The following PFKM variants were observed in gnomAD, a reference collection of about 807,000 sequenced individuals.
The protein encoded by PFKM is phosphofructokinase, muscle.
In PFKM, 58 loss-of-function variants were observed where a neutral mutation model predicts 95.5. The ratio of observed to expected loss-of-function variants is 0.61; its 90% CI spans 0.49 to 0.76. The LOEUF (loss-of-function observed/expected upper bound fraction) is 0.76, where lower values mean the gene tolerates loss of function less well. Ranked by LOEUF, PFKM falls within the 30% of genes least tolerant of loss-of-function variation. The pLI, the probability that PFKM is intolerant of heterozygous loss-of-function variation, is 0.00. For synonymous variants in PFKM, 336 were observed against 357.2 expected (o/e 0.94, Z 0.67); for missense variants, 678 against 1,005.4 (o/e 0.67, Z 4.40).
At chr12:48,132,019 C>T (rs1949552197) in intron 4 of PFKM, 1 of 455,586 alleles carries the variant, frequency 2.2e-6, no homozygotes, top group Non-Finnish European at 4.4e-6. Flanking sequence ...CTTTTTTCAG[C>T]TCAGTTCCCT....
At chr12:48,108,047 G>T in intron 2 of PFKM, 1 of 1,598,596 alleles carries the variant, frequency 6.3e-7, no homozygotes, top group East Asian at 2.2e-5. Flanking sequence ...CACCTTGAGG[G>T]TGACCTAAAG....
Position 48,134,923 on chromosome 12 carries a change from TA to T in PFKM, c.748-19del. On this transcript the variant is annotated intron_variant, in intron 8 of 22. Transcript: ENST00000359794. ...ATCAGCTTCATTCCATGGACCATTTTACCCTTTGTTCTCAACCAGACAAGGA... is the reference window on the plus strand; with the variant it reads ...ATCAGCTTCATTCCATGGACCATTTTCCCTTTGTTCTCAACCAGACAAGGA... 1.2e-6 allele frequency: 2 copies of T among 1,608,704 alleles called. No individual in the cohort carries two copies. The highest frequency in any genetic ancestry group is 1.7e-6 in the Non-Finnish European group (2 of 1,175,050).
chr12:48,120,958 T>TTGGA (rs1948195592), intron 1 of PFKM, among the ~76,000 whole-genome samples: 1 of 152,184 alleles, frequency 6.6e-6, no homozygotes, highest in Admixed American at 6.5e-5. Context: ...CAAGACCAGC[T>TTGGA]TGACCGACAT....
intron 2 of PFKM, among the ~76,000 whole-genome samples, chr12:48,125,959 G>A (rs1948792865): frequency 6.6e-6 from 1 of 152,190 alleles, no homozygotes; most frequent in Admixed American, 6.5e-5. Flanking sequence ...TTAAAGTCAT[G>A]CTCAAGTCAT....
chr12:48,115,430 A>C (rs939752299), upstream of PFKM, among the ~76,000 whole-genome samples: 6 of 152,172 alleles, frequency 3.9e-5, no homozygotes, highest in African/African-American at 1.4e-4. Flanking sequence ...TTTTGAGGGA[A>C]GGGGGTGGAT....
In PFKM at chr12:48,137,812, C is replaced by A. The variant is rs1406085192; in HGVS notation, c.1028C>A (p.Ala343Asp). The change falls in exon 11 of 23, where the codon GCT becomes GAT. Residue 343 changes from alanine to aspartate, a missense_variant. Ala to Asp is a moderately radical substitution (Grantham distance 126). Transcript: ENST00000359794. ...GTAGTGAGCCTCTCTGGTAACCAGG[C>A]TGTGCGCCTGCCCCTCATGGAATGT... is the stretch of plus-strand genomic sequence containing the variant. ...ACVVSLSGNQ[A>D]VRLPLMECVQ... The A allele has an allele frequency of 1.2e-6, 2 of 1,614,164 alleles. No individual in the cohort carries two copies. Among genetic ancestry groups the A allele is most frequent in the Admixed American group, 3.3e-5 (2 of 60,024 alleles).
At position 48,134,782 on chromosome 12, in the gene PFKM, C is replaced by T; in HGVS notation, c.700C>T (p.Pro234Ser). The change falls in exon 8 of 23, where the codon CCA becomes TCA. Residue 234 changes from proline to serine, a missense_variant. Physicochemically the swap from Pro to Ser is moderately conservative, Grantham distance 74. Coordinates refer to ENST00000359794, the MANE Select transcript of PFKM (RefSeq NM_000289.6). Reference protein sequence around the residue: ...GADWVFIPECPPDDDWEEHLC... With the variant: ...GADWVFIPECSPDDDWEEHLC... ...CGACTGGGTTTTTATTCCTGAATGT[C>T]CACCAGATGACGACTGGGAGGAACA... The T allele has an allele frequency of 1.2e-6, 2 of 1,614,098 alleles. No homozygotes were observed. Among genetic ancestry groups the T allele is most frequent in the Non-Finnish European group, 1.7e-6 (2 of 1,179,958 alleles).
intron 6 of PFKM, 65 bp from the exon 7 acceptor site, chr12:48,134,167 G>GT: frequency 7.4e-7 from 1 of 1,348,908 alleles, no homozygotes; most frequent in Non-Finnish European, 1.1e-6. Flanking sequence ...TGGCCTAGAT[G>GT]TGGGTGGTGG....
chr12:48,123,065 A>G (rs1322229875), intron 2 of PFKM, among the ~76,000 whole-genome samples: 1 of 152,138 alleles, frequency 6.6e-6, no homozygotes, highest in Non-Finnish European at 1.5e-5. Flanking sequence ...ACTTATTTCC[A>G]AGTTTCTTTG....
intron 2 of PFKM, 137 bp downstream of exon 2, chr12:48,122,996 G>A (rs902754017): frequency 9.8e-6 from 7 of 713,828 alleles, no homozygotes; most frequent in Non-Finnish European, 1.7e-5. Context: ...TGAGGCCTAA[G>A]TCCTCAAGTG....
intron 6 of PFKM, among the ~76,000 whole-genome samples, chr12:48,133,865 G>C (rs978908275): frequency 1.3e-5 from 2 of 152,140 alleles, no homozygotes; most frequent in South Asian, 4.1e-4. Flanking sequence ...GGGGACCTGG[G>C]GGGAGGCAAT....
intron 3 of PFKM, among the ~76,000 whole-genome samples, 168 bp downstream of exon 3, chr12:48,130,604 A>G (rs1047059731): frequency 2.0e-5 from 3 of 152,218 alleles, no homozygotes; most frequent in African/African-American, 7.2e-5. Flanking sequence ...CTTGACTCCA[A>G]TAGTGATGGT....
intron 3 of PFKM, among the ~76,000 whole-genome samples, chr12:48,111,079 A>G (rs535276916): frequency 1.3e-5 from 2 of 152,346 alleles, no homozygotes; most frequent in Admixed American, 1.3e-4. Flanking sequence ...AGCAGATCCA[A>G]CTGCCCACTA....
rs1426015365 is a variant in PFKM, at chr12:48,141,968, T to C, written c.1555T>C (p.Cys519Arg). The change falls in exon 17 of 23, where the codon TGC becomes CGC. Residue 519 changes from cysteine to arginine, a missense_variant. By Grantham distance (180) the Cys-to-Arg change is radical. Coordinates refer to ENST00000359794, the MANE Select transcript of PFKM (RefSeq NM_000289.6). Reference protein sequence around the residue: ...MEGRKQFDELCIPFVVIPATV... With the variant: ...MEGRKQFDELRIPFVVIPATV... ...GGGCAGGAAGCAGTTTGATGAGCTC[T>C]GCATCCCATTTGTGGTCATTCCTGC... 1 of 1,614,110 alleles carries C rather than the reference T, an allele frequency of 6.2e-7. No homozygotes were observed. The highest frequency in any genetic ancestry group is 2.2e-5 in the East Asian group (1 of 44,886).
chr12:48,126,512 A>AT (rs1036749111), intron 2 of PFKM, among the ~76,000 whole-genome samples: 3 of 152,062 alleles, frequency 2.0e-5, no homozygotes, highest in South Asian at 4.2e-4. Flanking sequence ...TTATTGTGAG[A>AT]TTTTTTTTGT....
At position 48,142,823 on chromosome 12, in the gene PFKM, T is replaced by C. The variant is rs761692819; in HGVS notation, c.1695T>C (p.Arg565=). 1 of 1,614,092 alleles carries C rather than the reference T, an allele frequency of 6.2e-7. No homozygotes were observed. The highest frequency in any genetic ancestry group is 2.2e-5 in the East Asian group (1 of 44,874). Residue 565 remains arginine (R), a synonymous_variant, in exon 18 of 23, where the codon CGT becomes CGC. Coordinates refer to ENST00000359794, the MANE Select transcript of PFKM (RefSeq NM_000289.6). The stretch of plus-strand genomic sequence containing the variant: ...AGCAGTCAGCAGCTGGCACCAAGCG[T>C]CGGGTGTTTATCATTGAGACTATGG... ...RIKQSAAGTK[R]RVFIIETMGG...
chr12:48,141,676 A>G lies in PFKM; in HGVS notation c.1413-64A>G, dbSNP rs1202417178. On this transcript the variant is annotated intron_variant, in intron 15 of 22. Coordinates refer to ENST00000359794, the MANE Select transcript of PFKM (RefSeq NM_000289.6). The stretch of plus-strand genomic sequence containing the variant: ...CTAACTCTAGCTTTTCTCCCCCTCA[A>G]TTTTCCTGTCTCTTCCCCAAATTCC... 7.2e-6 allele frequency: 9 copies of G among 1,250,120 alleles called. No individual in the cohort carries two copies. The highest frequency in any genetic ancestry group is 1.2e-5 in the South Asian group (1 of 83,762). 77.4% of individuals were successfully genotyped at this position (1,250,120 alleles called of 1,614,324 possible).
chr12:48,122,137 G>C (rs1948351828), intron 1 of PFKM, among the ~76,000 whole-genome samples: 1 of 152,140 alleles, frequency 6.6e-6, no homozygotes, highest in Non-Finnish European at 1.5e-5. Flanking sequence ...ATCCTGAGAG[G>C]GAAGAGCCAT....
rs994742923 is a variant in PFKM at position 48,146,005 on chromosome 12, T to G, written c.*297T>G. ...TTAGAATTTTCCTAAAAATAAGCTT[T>G]ATTTATTTCTTTGTGATAACAAAGA... On this transcript the variant is annotated 3_prime_UTR_variant, in exon 23 of 23. Coordinates refer to ENST00000359794, the MANE Select transcript of PFKM (RefSeq NM_000289.6). 1 of 391,428 alleles carries G rather than the reference T, an allele frequency of 2.6e-6. No individual in the cohort carries two copies. 24.2% of individuals were successfully genotyped at this position (391,428 alleles called of 1,614,324 possible).
Sources: gnomAD v4.1 joint callset for allele counts (sites outside exome capture counted in the v4.1 genomes callset) on GRCh38, gnomAD v4.1.1 for gene constraint, MANE v1.5 for transcripts, NCBI Gene and HGNC (gene_info 2026-07-23, HGNC 2026-07-21) for gene names.